Variants in ADGRF5 observed in about 807,000 individuals in gnomAD.
ADGRF5 encodes the protein adhesion G protein-coupled receptor F5, also known as G-protein coupled receptor 116.
Under a neutral mutation model 132.3 loss-of-function variants are expected in ADGRF5, and 75 were observed. The observed-to-expected ratio is 0.57, with a 90% CI of 0.47 to 0.69. The LOEUF (loss-of-function observed/expected upper bound fraction) is 0.69, where lower values mean the gene tolerates loss of function less well. ADGRF5 is among the 30% of genes least tolerant of loss of function. The pLI is 0.00. For synonymous variants in ADGRF5, 629 were observed against 597.6 expected (o/e 1.05, Z -0.77); for missense variants, 1,516 against 1,630.6 (o/e 0.93, Z 1.21).
In ADGRF5 at chr6:46,879,882, T is replaced by G; in HGVS notation, c.972A>C (p.Ala324=). 6.2e-7 allele frequency: 1 copy of G among 1,614,168 alleles called. No homozygotes were observed. Among genetic ancestry groups the G allele is most frequent in the Non-Finnish European group, 8.5e-7 (1 of 1,179,994 alleles). Residue 324 remains alanine (A), a synonymous_variant, in exon 9 of 21, where the codon GCA becomes GCC. Coordinates refer to ENST00000283296, the MANE Select transcript of ADGRF5 (RefSeq NM_001098518.2). The part of the protein sequence containing the change: ...QNSSRFSIYT[A]LFNNMTSVSK... ...ACACCGAAGTCATGTTGTTGAAAAG[T>G]GCGGTGTAAATCGAGAATCTGCTGC...
In ADGRF5 at chr6:46,930,531, G is replaced by A. The variant is rs540510192; in HGVS notation, c.-24-23745C>T. On this transcript the variant is annotated intron_variant, in intron 1 of 20. Coordinates refer to the ADGRF5 transcript ENST00000265417. ...ATGAGGGTAGAAAGAAGTGGGAAAT[G>A]GTGTGGGGATGGTATTTCCGAGAGC... Among the ~76,000 whole-genome samples the A allele has an allele frequency of 2.6e-5, 4 of 152,330 alleles. No homozygotes were observed. The South Asian group carries it at 8.3e-4, about 32-fold the overall frequency.
chr6:46,941,387 CA>C (rs1178957512), intron 1 of ADGRF5, among the ~76,000 whole-genome samples: 2 of 83,120 alleles, frequency 2.4e-5, no homozygotes, highest in African/African-American at 1.0e-4. Flanking sequence ...AAGAAAGAAA[CA>C]AAGAAAAGAA....
intron 1 of ADGRF5, 86 bp from the exon 2 acceptor site, chr6:46,906,872 C>G (rs1775431823): frequency 1.4e-6 from 1 of 700,252 alleles, no homozygotes; most frequent in Non-Finnish European, 2.6e-6. Context: ...TCTTAAAGGT[C>G]ATCCTACACA....
chr6:46,857,470 C>T (rs1276903349), intron 17 of ADGRF5, among the ~76,000 whole-genome samples: 2 of 152,192 alleles, frequency 1.3e-5, no homozygotes, highest in Admixed American at 6.5e-5. Context: ...TTGGGTGAAA[C>T]AGAATTAATC....
intron 12 of ADGRF5, among the ~76,000 whole-genome samples, chr6:46,868,354 T>C (rs1770681567): frequency 6.6e-6 from 1 of 152,248 alleles, no homozygotes; most frequent in Non-Finnish European, 1.5e-5. Context: ...ATACTTTGCA[T>C]AGTGCCTATC....
chr6:46,897,159 C>A (rs1478943996), intron 3 of ADGRF5, among the ~76,000 whole-genome samples: 1 of 151,416 alleles, frequency 6.6e-6, no homozygotes, highest in Non-Finnish European at 1.5e-5. Context: ...CACACACACA[C>A]ACACACACAC....
intron 1 of ADGRF5, among the ~76,000 whole-genome samples, chr6:46,928,328 A>G (rs1777359234): frequency 6.6e-6 from 1 of 152,130 alleles, no homozygotes; most frequent in South Asian, 2.1e-4. Context: ...CAAAAGAAAA[A>G]CAGCCCCTTT....
upstream of ADGRF5, among the ~76,000 whole-genome samples, chr6:46,925,533 G>A (rs566088090): frequency 6.8e-6 from 1 of 148,140 alleles, no homozygotes; most frequent in Admixed American, 6.8e-5. Flanking sequence ...AAGACAGGTG[G>A]ATTACTTGAG....
chr6:46,931,410 CA>C (rs1258035445), intron 1 of ADGRF5, among the ~76,000 whole-genome samples: 1 of 152,258 alleles, frequency 6.6e-6, no homozygotes, highest in Admixed American at 6.5e-5. Flanking sequence ...TGCATCACAG[CA>C]GCTCTCAGGG....
At chr6:46,929,903 C>T (rs1777471739) in intron 1 of ADGRF5, among the ~76,000 whole-genome samples, 1 of 152,124 alleles carries the variant, frequency 6.6e-6, no homozygotes, top group South Asian at 2.1e-4. Context: ...TCAGTGCAAC[C>T]TCCACTTCCC....
upstream of ADGRF5, among the ~76,000 whole-genome samples, chr6:46,925,546 C>A (rs527302376): frequency 2.7e-5 from 3 of 112,492 alleles, no homozygotes; most frequent in South Asian, 8.7e-4. Context: ...TACTTGAGGT[C>A]AGGAGTTCGA....
rs750203380 is a variant in ADGRF5 at position 46,879,799 on chromosome 6, T to C, written c.1036+19A>G. 1.9e-5 allele frequency: 29 copies of C among 1,496,534 alleles called. No individual in the cohort carries two copies. The highest frequency in any genetic ancestry group is 2.6e-5 in the Non-Finnish European group (28 of 1,072,542). 92.7% of individuals were successfully genotyped at this position (1,496,534 alleles called of 1,614,324 possible). On this transcript the variant is annotated intron_variant, in intron 9 of 20. Coordinates refer to ENST00000283296, the MANE Select transcript of ADGRF5 (RefSeq NM_001098518.2). The stretch of plus-strand genomic sequence containing the variant: ...CTCTTCATTCCATTCCTCACACAAG[T>C]TACTGAATGGAGACCTACCTGCATC...
At chr6:46,870,204 C>A (rs148266254) in intron 11 of ADGRF5, among the ~76,000 whole-genome samples, 3 of 151,918 alleles carry the variant, frequency 2.0e-5, no homozygotes, top group Admixed American at 6.6e-5. Flanking sequence ...ATTCTGTCAC[C>A]CAGGCTGGCA....
intron 1 of ADGRF5, among the ~76,000 whole-genome samples, chr6:46,945,679 A>G (rs377143667): frequency 1.5e-3 from 231 of 152,338 alleles, no homozygotes; most frequent in African/African-American, 5.3e-3. Flanking sequence ...GGTGACATTT[A>G]AAATGGGCTT....
At chr6:46,922,439 A>T (rs137930862), upstream of ADGRF5, among the ~76,000 whole-genome samples, 5 of 152,226 alleles carry the variant, frequency 3.3e-5, no homozygotes, top group Non-Finnish European at 7.3e-5. Flanking sequence ...AAACTCTGTG[A>T]GTATTTGTGT....
intron 1 of ADGRF5, among the ~76,000 whole-genome samples, chr6:46,932,404 C>T (rs372997961): frequency 6.6e-6 from 1 of 152,256 alleles, no homozygotes; most frequent in East Asian, 1.9e-4. Flanking sequence ...CCTCTTATCT[C>T]TTTTTCAGTT....
intron 2 of ADGRF5, among the ~76,000 whole-genome samples, chr6:46,904,335 G>C (rs1331123782): frequency 6.6e-6 from 1 of 152,180 alleles, no homozygotes; most frequent in East Asian, 1.9e-4. Flanking sequence ...ACAAAACATA[G>C]ACATATGTAC....
chr6:46,931,558 A>G (rs1030600943), intron 1 of ADGRF5, among the ~76,000 whole-genome samples: 2 of 152,078 alleles, frequency 1.3e-5, no homozygotes, highest in East Asian at 1.9e-4. Flanking sequence ...TGTGTCTTCT[A>G]TGACACTCTC....
intron 1 of ADGRF5, among the ~76,000 whole-genome samples, chr6:46,915,582 C>A (rs1483146632): frequency 1.3e-5 from 2 of 152,140 alleles, no homozygotes; most frequent in Non-Finnish European, 2.9e-5. Context: ...TTATGGCCCC[C>A]ATCCATTCCA....
Sources: gnomAD v4.1 joint callset for allele counts (sites outside exome capture counted in the v4.1 genomes callset) on GRCh38, gnomAD v4.1.1 for gene constraint, MANE v1.5 for transcripts, NCBI Gene and HGNC (gene_info 2026-07-23, HGNC 2026-07-21) for gene names.